PRKACB: variants seen among roughly 807,000 people sequenced by gnomAD.
PRKACB encodes protein kinase cAMP-activated catalytic subunit beta.
A neutral mutation model predicts 51.4 loss-of-function variants in PRKACB; 16 were observed. The observed-to-expected ratio is 0.31, with a 90% confidence interval of 0.21 to 0.47. The LOEUF (loss-of-function observed/expected upper bound fraction) is 0.47, where lower values mean the gene tolerates loss of function less well. PRKACB is among the 20% of genes least tolerant of loss of function. PRKACB has a pLI of 1.00. For synonymous variants in PRKACB, 147 were observed against 154.4 expected, an observed-to-expected ratio of 0.95 and a Z score of 0.35; for missense variants, 309 against 464.5, an observed-to-expected ratio of 0.67 and a Z score of 3.08.
chr1:84,184,969 A>G (rs1664666395), intron 4 of PRKACB, 131 bp from the exon 5 acceptor site: 2 of 460,406 alleles, frequency 4.3e-6, no homozygotes, highest in Non-Finnish European at 3.6e-6. Flanking sequence ...AGCATGTTCC[A>G]TTTATTCTTT....
At chr1:84,084,317 G>T (rs572481401) in intron 1 of PRKACB, among the ~76,000 whole-genome samples, 1 of 152,278 alleles carries the variant, frequency 6.6e-6, no homozygotes, top group African/African-American at 2.4e-5. Flanking sequence ...TGTGGGGTTG[G>T]TGATAGGAAG....
chr1:84,180,879 A>G (rs1663206312), intron 2 of PRKACB, among the ~76,000 whole-genome samples: 2 of 151,988 alleles, frequency 1.3e-5, no homozygotes, highest in Admixed American at 1.3e-4. Context: ...GCAGAAACAC[A>G]TATTCTGTTG....
At chr1:84,190,068 C>A (rs114030176) in intron 5 of PRKACB, among the ~76,000 whole-genome samples, 390 of 151,928 alleles carry the variant, frequency 2.6e-3, no homozygotes, top group African/African-American at 8.8e-3. Context: ...AACAGCCAAT[C>A]ATTTTACTTT....
At chr1:84,202,578 TAA>T in intron 7 of PRKACB, 103 bp from the exon 8 acceptor site, 1 of 1,268,778 alleles carries the variant, frequency 7.9e-7, no homozygotes, top group Non-Finnish European at 1.1e-6. Context: ...GCAATTGCTT[TAA>T]AAAAATTTTT....
At chr1:84,128,882 C>T (rs1651899517) in intron 1 of PRKACB, among the ~76,000 whole-genome samples, 1 of 152,132 alleles carries the variant, frequency 6.6e-6, no homozygotes, top group Non-Finnish European at 1.5e-5. Context: ...AGCCATTTAG[C>T]TACATGTGGC....
chr1:84,100,719 C>T (rs142140644), intron 1 of PRKACB, among the ~76,000 whole-genome samples: 3 of 152,274 alleles, frequency 2.0e-5, no homozygotes, highest in African/African-American at 7.2e-5. Flanking sequence ...ACCTACCTAT[C>T]AAGTTTGTAG....
intron 1 of PRKACB, chr1:84,175,733 CT>C (rs369090921): frequency 0.053 from 64,990 of 1,236,018 alleles, 1,307 homozygotes; most frequent in Middle Eastern, 0.064. Flanking sequence ...AATTGTCTCT[CT>C]TTTTTTTTTC....
chr1:84,204,666 A>T, intron 8 of PRKACB: 7 of 1,082,406 alleles, frequency 6.5e-6, no homozygotes, highest in Non-Finnish European at 8.4e-6. Flanking sequence ...ACAAAAACTA[A>T]GAATGTAAAT....
At chr1:84,229,895 T>C (rs1047034116) in intron 9 of PRKACB, among the ~76,000 whole-genome samples, 1 of 152,170 alleles carries the variant, frequency 6.6e-6, no homozygotes, top group African/African-American at 2.4e-5. Flanking sequence ...CTGTTCACTC[T>C]GATGGTAGTT....
rs1328503662 is a variant in PRKACB at position 84,117,332 on chromosome 1, A to C, written c.46+38961A>C. On this transcript the variant is annotated intron_variant, in intron 1 of 8. Transcript: ENST00000370688. ...TGACCTTGTAGAATGAGTTAGGGAG[A>C]ATTCCTTCCTCTTTGATCTTTTGGA... Among the ~76,000 whole-genome samples the C allele has an allele frequency of 5.3e-5, 8 of 151,962 alleles. No homozygotes were observed. The East Asian group carries it at 1.2e-3, about 22-fold the overall frequency.
Position 84,148,858 on chromosome 1 carries a change from C to T in PRKACB, c.187+4310C>T, listed in dbSNP as rs77047249. Among the ~76,000 whole-genome samples, 106 of 152,254 alleles carry T rather than the reference C, an allele frequency of 7.0e-4. No homozygotes were observed. The East Asian group carries it at 0.018, about 25-fold the overall frequency. ...TACTATATCAACTGTACTAACATAA[C>T]GAGAAGCTTTTACTTGCTTGTGCTT... On this transcript the variant is annotated intron_variant, in intron 1 of 9. Coordinates refer to ENST00000370685, the MANE Select transcript of PRKACB (RefSeq NM_182948.4).
intron 8 of PRKACB, among the ~76,000 whole-genome samples, chr1:84,204,135 G>A (rs185791433): frequency 6.6e-6 from 1 of 152,068 alleles, no homozygotes; most frequent in African/African-American, 2.4e-5. Context: ...TTTCAGCACA[G>A]TATTGTTCCC....
chr1:84,168,054 A>G (rs939299291), intron 1 of PRKACB, among the ~76,000 whole-genome samples: 15 of 151,598 alleles, frequency 9.9e-5, no homozygotes, highest in African/African-American at 3.6e-4. Context: ...AATCAGTCAA[A>G]CTATTGTAAG....
intron 1 of PRKACB, among the ~76,000 whole-genome samples, chr1:84,130,269 G>GA (rs557217572): frequency 1.2e-4 from 18 of 151,160 alleles, no homozygotes; most frequent in African/African-American, 3.6e-4. Context: ...TGGTGACAAG[G>GA]AAAAAAATCA....
chr1:84,134,816 G>A (rs887397789), intron 1 of PRKACB, among the ~76,000 whole-genome samples: 1 of 152,114 alleles, frequency 6.6e-6, no homozygotes, highest in Non-Finnish European at 1.5e-5. Context: ...ACTTAGTTTA[G>A]AAAAGCAAGA....
intron 9 of PRKACB, among the ~76,000 whole-genome samples, chr1:84,219,248 G>A (rs1191629409): frequency 6.7e-6 from 1 of 149,160 alleles, no homozygotes; most frequent in African/African-American, 2.5e-5. Flanking sequence ...TTTTGAGTTG[G>A]AGTTTCGCTC....
chr1:84,163,108 A>T (rs139046753), intron 1 of PRKACB, among the ~76,000 whole-genome samples: 38 of 152,060 alleles, frequency 2.5e-4, no homozygotes, highest in African/African-American at 8.7e-4. Flanking sequence ...TTATTTAATG[A>T]TTGATCAGAG....
At chr1:84,137,684 C>G (rs1164488622) in intron 1 of PRKACB, among the ~76,000 whole-genome samples, 2 of 152,150 alleles carry the variant, frequency 1.3e-5, no homozygotes, top group African/African-American at 2.4e-5. Context: ...CAAAAGAGTA[C>G]TGTAGTCTAG....
chr1:84,177,522 C>T (rs1005237648), intron 1 of PRKACB, among the ~76,000 whole-genome samples: 13 of 152,016 alleles, frequency 8.6e-5, no homozygotes, highest in Admixed American at 7.9e-4. Flanking sequence ...AGAAAGTTCA[C>T]TTGAGCTCAA....
Sources: gnomAD v4.1 joint callset for allele counts (sites outside exome capture counted in the v4.1 genomes callset) on GRCh38, gnomAD v4.1.1 for gene constraint, MANE v1.5 for transcripts, NCBI Gene and HGNC (gene_info 2026-07-23, HGNC 2026-07-21) for gene names.